Variants in KCNMB4 observed in about 807,000 individuals in gnomAD.
KCNMB4 encodes the protein calcium-activated potassium channel subunit beta-4.
In KCNMB4, 3 loss-of-function variants were observed where a neutral mutation model predicts 20.7. The ratio of observed to expected loss-of-function variants is 0.14; its 90% CI spans 0.07 to 0.37. The LOEUF (loss-of-function observed/expected upper bound fraction) is 0.37, where lower values mean the gene tolerates loss of function less well. Among genes scored for constraint, KCNMB4 ranks in the 10% least tolerant of loss-of-function variants. KCNMB4 has a pLI of 1.00. For synonymous variants in KCNMB4, 110 were observed against 113.4 expected (o/e 0.97, Z 0.19); for missense variants, 168 against 265.9 (o/e 0.63, Z 2.56).
intron 2 of KCNMB4, among the ~76,000 whole-genome samples, chr12:70,412,334 G>A (rs1367948050): frequency 6.6e-6 from 1 of 152,212 alleles, no homozygotes; most frequent in African/African-American, 2.4e-5. Context: ...CTACACATTA[G>A]TAAGAGTGGA....
intron 1 of KCNMB4, among the ~76,000 whole-genome samples, chr12:70,375,181 T>A (rs1214723997): frequency 6.6e-6 from 1 of 152,220 alleles, no homozygotes; most frequent in Non-Finnish European, 1.5e-5. Context: ...ATATTTTTTA[T>A]AAATTTCACT....
At position 70,432,599 on chromosome 12, in the gene KCNMB4, A is replaced by G. The variant is rs550131604; in HGVS notation, c.*1946A>G. On this transcript the variant is annotated 3_prime_UTR_variant, in exon 3 of 3. Coordinates refer to ENST00000258111, the MANE Select transcript of KCNMB4 (RefSeq NM_014505.6). The stretch of plus-strand genomic sequence containing the variant: ...CTCCAATAATTTTTTTTCTAATTCA[A>G]AAGTTACAGTTTCACTGTGAAAAAG... 4.5e-4 allele frequency: 69 copies of G among 152,220 alleles called. No individual in the cohort carries two copies. The highest frequency in any genetic ancestry group is 1.2e-3 in the African/African-American group (50 of 41,548). The allele number at this position is 152,220 out of a possible 1,614,324, so 9.4% of individuals were successfully genotyped here.
chr12:70,410,698 C>G (rs1181826791), intron 2 of KCNMB4, among the ~76,000 whole-genome samples: 5 of 152,102 alleles, frequency 3.3e-5, no homozygotes, highest in African/African-American at 1.2e-4. Context: ...AGATTTCTAA[C>G]AACTAAGTTA....
rs1883486104 is a variant in KCNMB4 at position 70,366,318 on chromosome 12, G to A, written c.-417G>A. ...CACTCCTAGCCTTGGGGCAGCTGCC[G>A]GGCGAGTCAGCGGAGTAGCGGCCAG... On this transcript the variant is annotated 5_prime_UTR_variant, in exon 1 of 3. Coordinates refer to ENST00000258111, the MANE Select transcript of KCNMB4 (RefSeq NM_014505.6). 1 of 151,968 alleles carries A rather than the reference G, an allele frequency of 6.6e-6. No individual in the cohort carries two copies. Among genetic ancestry groups the A allele is most frequent in the Admixed American group, 6.6e-5 (1 of 15,266 alleles). 9.4% of individuals were successfully genotyped at this position (151,968 alleles called of 1,614,324 possible).
At chr12:70,370,002 T>A (rs1230569081) in intron 1 of KCNMB4, among the ~76,000 whole-genome samples, 1 of 152,198 alleles carries the variant, frequency 6.6e-6, no homozygotes, top group Non-Finnish European at 1.5e-5. Context: ...CTAGGAGCTT[T>A]GGTTCTCACC....
intron 2 of KCNMB4, among the ~76,000 whole-genome samples, chr12:70,411,305 C>T (rs1003522668): frequency 5.9e-5 from 9 of 152,112 alleles, no homozygotes; most frequent in Non-Finnish European, 8.8e-5. Flanking sequence ...GACAGCCCTG[C>T]TACCTCAACG....
At chr12:70,426,008 G>A (rs1869202497) in intron 2 of KCNMB4, among the ~76,000 whole-genome samples, 1 of 152,000 alleles carries the variant, frequency 6.6e-6, no homozygotes, top group African/African-American at 2.4e-5. Context: ...AAAATGACCT[G>A]AACAGGCCAG....
Position 70,393,816 on chromosome 12 carries a change from C to T in KCNMB4, c.337-6393C>T, listed in dbSNP as rs1868324489. Among the ~76,000 whole-genome samples the T allele has an allele frequency of 3.0e-5, 4 of 132,398 alleles. No homozygotes were observed. The South Asian group carries it at 9.6e-4, about 32-fold the overall frequency. The allele number at this position is 132,398 out of a possible 152,430, so 86.9% of individuals were successfully genotyped here. On this transcript the variant is annotated intron_variant, in intron 1 of 2. Coordinates refer to ENST00000258111, the MANE Select transcript of KCNMB4 (RefSeq NM_014505.6). Reference sequence around the variant, plus strand: ...AGATAATTTGGGCATTTTCCAACGCCATCTCCTATGCCCCTTGTCCTCCAA... The same window carrying T: ...AGATAATTTGGGCATTTTCCAACGCTATCTCCTATGCCCCTTGTCCTCCAA...
chr12:70,369,400 C>T (rs1343382413), intron 1 of KCNMB4, among the ~76,000 whole-genome samples: 1 of 152,138 alleles, frequency 6.6e-6, no homozygotes, highest in Non-Finnish European at 1.5e-5. Flanking sequence ...TTAGGCAATA[C>T]CCATTGTCCA....
chr12:70,404,859 T>C (rs574113088), intron 2 of KCNMB4, among the ~76,000 whole-genome samples: 1 of 152,354 alleles, frequency 6.6e-6, no homozygotes, highest in Non-Finnish European at 1.5e-5. Context: ...GAAGCAGTGC[T>C]ATTCAGATGT....
chr12:70,429,251 C>T (rs984049434), intron 2 of KCNMB4, among the ~76,000 whole-genome samples: 4 of 152,160 alleles, frequency 2.6e-5, no homozygotes, highest in Non-Finnish European at 5.9e-5. Flanking sequence ...GGCAGTTGGA[C>T]TCATTATTCT....
chr12:70,421,228 A>G (rs1003887428), intron 2 of KCNMB4, among the ~76,000 whole-genome samples: 17 of 152,128 alleles, frequency 1.1e-4, no homozygotes, highest in Middle Eastern at 3.4e-3. Context: ...ATGGTCGCTC[A>G]TATCTGTAAT....
chr12:70,373,829 C>G (rs1461868951), intron 1 of KCNMB4, among the ~76,000 whole-genome samples: 1 of 152,028 alleles, frequency 6.6e-6, no homozygotes, highest in Non-Finnish European at 1.5e-5. Flanking sequence ...AAAAAAATAT[C>G]AAGGAAATTG....
chr12:70,376,151 TAAAA>T (rs72152386), intron 1 of KCNMB4, among the ~76,000 whole-genome samples: 79 of 142,532 alleles, frequency 5.5e-4, no homozygotes, highest in Admixed American at 3.2e-3. Context: ...CCTTTCATGA[TAAAA>T]AAAAAAAAAA....
chr12:70,429,012 GA>G (rs1434233018), intron 2 of KCNMB4, among the ~76,000 whole-genome samples: 1 of 152,046 alleles, frequency 6.6e-6, no homozygotes, highest in South Asian at 2.1e-4. Context: ...TGCATCAAAG[GA>G]AAAAATGCAA....
At chr12:70,383,112 C>G (rs1325395053) in intron 1 of KCNMB4, among the ~76,000 whole-genome samples, 3 of 152,152 alleles carry the variant, frequency 2.0e-5, no homozygotes, top group Non-Finnish European at 4.4e-5. Context: ...AAATGCAGTT[C>G]ATCATTGACT....
At chr12:70,380,667 T>C (rs1161374134) in intron 1 of KCNMB4, among the ~76,000 whole-genome samples, 2 of 150,760 alleles carry the variant, frequency 1.3e-5, no homozygotes, top group Non-Finnish European at 3.0e-5. Flanking sequence ...AAAAAAAACC[T>C]ATACATCATG....
chr12:70,405,485 A>G (rs1565862396), intron 2 of KCNMB4, among the ~76,000 whole-genome samples: 1 of 152,182 alleles, frequency 6.6e-6, no homozygotes, highest in Non-Finnish European at 1.5e-5. Context: ...AAAACAAAAG[A>G]CAGGTATTGG....
intron 1 of KCNMB4, among the ~76,000 whole-genome samples, chr12:70,373,181 G>A (rs1883629314): frequency 6.6e-6 from 1 of 152,166 alleles, no homozygotes; most frequent in Non-Finnish European, 1.5e-5. Flanking sequence ...TCCCTTCCAC[G>A]ATGTCCACAT....
Sources: gnomAD v4.1 joint callset for allele counts (sites outside exome capture counted in the v4.1 genomes callset) on GRCh38, gnomAD v4.1.1 for gene constraint, MANE v1.5 for transcripts, NCBI Gene and HGNC (gene_info 2026-07-23, HGNC 2026-07-21) for gene names.